Variants in RAB1B observed in about 807,000 individuals in gnomAD.
The protein encoded by RAB1B is RAB1B, member RAS oncogene family.
A neutral mutation model predicts 24.8 loss-of-function variants in RAB1B; 10 were observed. That is an observed-to-expected ratio of 0.40 (90% confidence interval 0.25 to 0.68). RAB1B has a LOEUF of 0.68. Among genes scored for constraint, RAB1B ranks in the 30% least tolerant of loss-of-function variants. The probability of loss-of-function intolerance (pLI) is 0.37; values close to 1 mark genes in which losing one functional copy is unlikely to be tolerated. For synonymous variants in RAB1B, 99 were observed against 111.7 expected (o/e 0.89, Z 0.72); for missense variants, 154 against 271.2 (o/e 0.57, Z 3.04).
At chr11:66,274,925 A>G (rs1260504482) in intron 4 of RAB1B, among the ~76,000 whole-genome samples, 1 of 151,822 alleles carries the variant, frequency 6.6e-6, no homozygotes, top group Non-Finnish European at 1.5e-5. Flanking sequence ...TCCCACCTGC[A>G]GGCTTAGGTC....
At chr11:66,271,915 C>A in intron 2 of RAB1B, 46 bp downstream of exon 2, 2 of 1,484,244 alleles carry the variant, frequency 1.3e-6, no homozygotes, top group Non-Finnish European at 1.9e-6. Flanking sequence ...TCCTGACTGG[C>A]AGCTGGGGGG....
rs1402820202 is a variant in RAB1B, at chr11:66,268,662, C to G, written c.-18C>G. On this transcript the variant is annotated 5_prime_UTR_variant, in exon 1 of 6. Transcript: ENST00000311481. ...GCAGAGTCGACTGGGAGCGACCGAG[C>G]GGGCCGCCGCCGCCGCCATGAACCC... The G allele has an allele frequency of 6.4e-7, 1 of 1,560,888 alleles. No homozygotes were observed. Among genetic ancestry groups the G allele is most frequent in the African/African-American group, 1.4e-5 (1 of 73,634 alleles).
At chr11:66,268,932 C>T (rs542837009) in intron 1 of RAB1B, among the ~76,000 whole-genome samples, 1 of 151,834 alleles carries the variant, frequency 6.6e-6, no homozygotes, top group East Asian at 2.0e-4. Flanking sequence ...CCAGGGGCAG[C>T]TCTTGGAGCT....
At chr11:66,269,123 C>T in intron 1 of RAB1B, among the ~76,000 whole-genome samples, 1 of 152,140 alleles carries the variant, frequency 6.6e-6, no homozygotes, top group East Asian at 1.9e-4. Context: ...TCCCTCTACC[C>T]TTCTCTTTCT....
At chr11:66,271,218 T>TAATCCC (rs1857051444) in intron 1 of RAB1B, 1 of 152,324 alleles carries the variant, frequency 6.6e-6, no homozygotes, top group African/African-American at 2.4e-5. Flanking sequence ...CCGGGTGTGG[T>TAATCCC]GGCTCACACC....
At chr11:66,274,879 G>T (rs770599087) in intron 4 of RAB1B, among the ~76,000 whole-genome samples, 2 of 151,442 alleles carry the variant, frequency 1.3e-5, no homozygotes. Context: ...GCACATGCTG[G>T]CTCCCCAGCT....
intron 4 of RAB1B, 77 bp from the exon 5 acceptor site, chr11:66,275,727 C>A (rs1264753377): frequency 4.7e-6 from 7 of 1,486,136 alleles, no homozygotes; most frequent in Non-Finnish European, 6.3e-6. Context: ...CTGTTCCCCT[C>A]AGAGAAGGTC....
At chr11:66,272,771 G>T (rs957959488) in intron 4 of RAB1B, among the ~76,000 whole-genome samples, 1 of 152,088 alleles carries the variant, frequency 6.6e-6, no homozygotes, top group Admixed American at 6.5e-5. Flanking sequence ...GGGCACCTTT[G>T]TGTTGTGGGA....
At chr11:66,272,772 T>G (rs747429877) in intron 4 of RAB1B, among the ~76,000 whole-genome samples, 7 of 151,976 alleles carry the variant, frequency 4.6e-5, no homozygotes, top group Non-Finnish European at 1.0e-4. Context: ...GGCACCTTTG[T>G]GTTGTGGGAG....
Position 66,276,314 on chromosome 11 carries a change from C to G in RAB1B, c.*76C>G. ...CCTGGAGGGGGCAGGAGGTACCTCC[C>G]TCTCCCTCTCCTGGGGCATTTGAGT... On this transcript the variant is annotated 3_prime_UTR_variant, in exon 6 of 6. Transcript: ENST00000311481. 1 of 1,338,514 alleles carries G rather than the reference C, an allele frequency of 7.5e-7. No homozygotes were observed. Among genetic ancestry groups the G allele is most frequent in the Non-Finnish European group, 1.0e-6 (1 of 1,001,482 alleles). 82.9% of individuals were successfully genotyped at this position (1,338,514 alleles called of 1,614,324 possible). A position where few individuals can be genotyped will look rare whatever the true frequency, so the allele number is the denominator to read the frequency against.
chr11:66,276,352 G>C lies in RAB1B; in HGVS notation c.*114G>C. 9.5e-7 allele frequency: 1 copy of C among 1,050,050 alleles called. No homozygotes were observed. 65.0% of individuals were successfully genotyped at this position (1,050,050 alleles called of 1,614,324 possible). A position where few individuals can be genotyped will look rare whatever the true frequency, so the allele number is the denominator to read the frequency against. ...GGGGCATTTGAGTCTGTGGCTTTGG[G>C]GTGTCCTGGGCTCCCCATCTCCTTC... On this transcript the variant is annotated 3_prime_UTR_variant, in exon 6 of 6. Transcript: ENST00000311481.
intron 1 of RAB1B, among the ~76,000 whole-genome samples, chr11:66,269,404 C>G (rs573973607): frequency 1.5e-4 from 23 of 152,348 alleles, no homozygotes; most frequent in African/African-American, 4.3e-4. Flanking sequence ...TTGCTCTCCC[C>G]CTTCCTGTGG....
rs371650433 is a variant in RAB1B, at chr11:66,275,039, C to T, written c.280-765C>T. 2.0e-5 allele frequency among the ~76,000 whole-genome samples: 3 copies of T among 152,222 alleles called. No individual in the cohort carries two copies. The East Asian group carries it at 5.8e-4, about 30-fold the overall frequency. ...GTGGCCTGGTCTATTCATCTACTGTCCCGTGAATGTGTTAGGGCAGGGCCC... is the reference window on the plus strand; with the variant it reads ...GTGGCCTGGTCTATTCATCTACTGTTCCGTGAATGTGTTAGGGCAGGGCCC... On this transcript the variant is annotated intron_variant, in intron 4 of 5. Coordinates refer to ENST00000311481, the MANE Select transcript of RAB1B (RefSeq NM_030981.3).
intron 1 of RAB1B, 78 bp from the exon 2 acceptor site, chr11:66,271,719 A>G: frequency 5.0e-6 from 5 of 1,006,802 alleles, no homozygotes; most frequent in East Asian, 4.8e-5. Context: ...GGGTGGGGGA[A>G]TCCTGTAATT....
intron 2 of RAB1B, 130 bp downstream of exon 2, chr11:66,271,999 C>A: frequency 1.1e-6 from 1 of 937,702 alleles, no homozygotes; most frequent in Non-Finnish European, 1.8e-6. Flanking sequence ...CTGCCACCAG[C>A]ACATCTGCCC....
At chr11:66,271,352 G>A (rs956203855) in intron 1 of RAB1B, 1 of 157,264 alleles carries the variant, frequency 6.4e-6, no homozygotes, top group Non-Finnish European at 1.4e-5. Context: ...GACAAGCATG[G>A]TGGCAGGTGC....
chr11:66,276,039 G>A lies in RAB1B; in HGVS notation c.412-5G>A. Reference sequence around the variant, plus strand: ...CCCCTCCTCTTCTCTCCTCTCCCTTGTCAGGAGTTTGCAGACTCTCTGGGC... The same window carrying A: ...CCCCTCCTCTTCTCTCCTCTCCCTTATCAGGAGTTTGCAGACTCTCTGGGC... On this transcript the variant is annotated splice_polypyrimidine_tract_variant and splice_region_variant and intron_variant, in intron 5 of 5. Transcript: ENST00000311481. 1 of 1,612,118 alleles carries A rather than the reference G, an allele frequency of 6.2e-7. No individual in the cohort carries two copies. The highest frequency in any genetic ancestry group is 8.5e-7 in the Non-Finnish European group (1 of 1,179,330).
In RAB1B at chr11:66,276,200, A is replaced by G. The variant is rs1857141559; in HGVS notation, c.568A>G (p.Ser190Gly). The G allele has an allele frequency of 6.2e-7, 1 of 1,604,514 alleles. No homozygotes were observed. The highest frequency in any genetic ancestry group is 2.2e-5 in the East Asian group (1 of 44,764). The part of the protein sequence containing the change: ...GGERPNLKID[S>G]TPVKPAGGGC... Reference sequence around the variant, plus strand: ...CGAGCGGCCCAATCTCAAGATCGACAGCACCCCTGTAAAGCCGGCTGGCGG... The same window carrying G: ...CGAGCGGCCCAATCTCAAGATCGACGGCACCCCTGTAAAGCCGGCTGGCGG... Residue 190 changes from serine (S) to glycine (G), a missense_variant, in exon 6 of 6, where the codon AGC becomes GGC. By Grantham distance (56) the Ser-to-Gly change is moderately conservative. Coordinates refer to ENST00000311481, the MANE Select transcript of RAB1B (RefSeq NM_030981.3).
chr11:66,268,823 C>CA, intron 1 of RAB1B, 130 bp downstream of exon 1: 3 of 773,488 alleles, frequency 3.9e-6, no homozygotes, highest in Non-Finnish European at 3.2e-6. Context: ...CTTCCGCTGA[C>CA]CCCCCCCCAC....
Sources: gnomAD v4.1 joint callset for allele counts (sites outside exome capture counted in the v4.1 genomes callset) on GRCh38, gnomAD v4.1.1 for gene constraint, MANE v1.5 for transcripts, NCBI Gene and HGNC (gene_info 2026-07-23, HGNC 2026-07-21) for gene names.